Variants in ADAMTS5 observed in about 807,000 individuals in gnomAD.
The protein encoded by ADAMTS5 is A disintegrin and metalloproteinase with thrombospondin motifs 5.
A neutral mutation model predicts 81.4 loss-of-function variants in ADAMTS5; 54 were observed. That is an observed-to-expected ratio of 0.66 (90% CI 0.53 to 0.83). The LOEUF (loss-of-function observed/expected upper bound fraction) is 0.83, where lower values mean the gene tolerates loss of function less well. Among genes scored for constraint, ADAMTS5 ranks in the 40% least tolerant of loss-of-function variants. ADAMTS5 has a pLI of 0.00. For synonymous variants in ADAMTS5, 532 were observed against 508.8 expected, an observed-to-expected ratio of 1.05 and a Z score of -0.61; for missense variants, 1,194 against 1,229.9, an observed-to-expected ratio of 0.97 and a Z score of 0.44.
Position 26,919,229 on chromosome 21 carries a change from T to A in ADAMTS5, c.*4824A>T. 1 of 124,164 alleles carries A rather than the reference T, an allele frequency of 8.1e-6. No individual in the cohort carries two copies. The highest frequency in any genetic ancestry group is 3.4e-5 in the African/African-American group (1 of 29,118). The allele number at this position is 124,164 out of a possible 1,614,324, so 7.7% of individuals were successfully genotyped here. On this transcript the variant is annotated 3_prime_UTR_variant, in exon 8 of 8. Coordinates refer to ENST00000284987, the MANE Select transcript of ADAMTS5 (RefSeq NM_007038.5). ...AAAGCATGCCCTGTTTTTTATTTGT[T>A]TTTTTTTTTTTTCCTACAAATCACA... is the stretch of plus-strand genomic sequence containing the variant.
intron 3 of ADAMTS5, among the ~76,000 whole-genome samples, chr21:26,940,968 C>G (rs999661700): frequency 6.6e-6 from 1 of 152,116 alleles, no homozygotes; most frequent in Non-Finnish European, 1.5e-5. Flanking sequence ...AATAGCACTA[C>G]AGGGAGTACC....
At chr21:26,949,836 C>T (rs1198852355) in intron 2 of ADAMTS5, among the ~76,000 whole-genome samples, 4 of 152,140 alleles carry the variant, frequency 2.6e-5, no homozygotes, top group Non-Finnish European at 5.9e-5. Context: ...AAGTTTAATC[C>T]TAGTTTCCTT....
intron 1 of ADAMTS5, among the ~76,000 whole-genome samples, chr21:26,962,996 C>T (rs763654929): frequency 2.6e-5 from 4 of 151,870 alleles, no homozygotes; most frequent in Non-Finnish European, 4.4e-5. Context: ...TTAAATTGGG[C>T]GCATCTATTG....
rs767506022 is a variant in ADAMTS5, at chr21:26,966,110, G to T, written c.282C>A (p.Gly94=). 34 of 1,612,618 alleles carry T rather than the reference G, an allele frequency of 2.1e-5. No individual in the cohort carries two copies. The highest frequency in any genetic ancestry group is 2.7e-5 in the African/African-American group (2 of 74,928). Residue 94 remains glycine (G), a synonymous_variant, in exon 1 of 8, where the codon GGC becomes GGA. Coordinates refer to ENST00000284987, the MANE Select transcript of ADAMTS5 (RefSeq NM_007038.5). ...CCAGGTCCAAGAGGAACCTCCGGCC[G>T]CCCGCGTAGACGAGGTAGCCCACCT... ...GGKVGYLVYA[G]GRRFLLDLER...
Position 26,924,430 on chromosome 21 carries a change from T to C in ADAMTS5, c.2416A>G (p.Met806Val), listed in dbSNP as rs1986767070. The C allele has an allele frequency of 2.5e-6, 4 of 1,614,126 alleles. No individual in the cohort carries two copies. The highest frequency in any genetic ancestry group is 2.5e-6 in the Non-Finnish European group (3 of 1,180,046). ...ETIIDINGTV[M>V]NYSGWSHRDD... ...CTGTGGCTCCAACCGCTATAGTTCATGACTGTTCCATTGATGTCAATGATA... is the reference window on the plus strand; with the variant it reads ...CTGTGGCTCCAACCGCTATAGTTCACGACTGTTCCATTGATGTCAATGATA... The change falls in exon 8 of 8, where the codon ATG (methionine) becomes GTG (valine). Residue 806 changes from methionine to valine, a missense_variant. Transcript: ENST00000284987.
intron 3 of ADAMTS5, among the ~76,000 whole-genome samples, chr21:26,935,740 C>A (rs570838683): frequency 6.6e-6 from 1 of 152,130 alleles, no homozygotes; most frequent in African/African-American, 2.4e-5. Context: ...TTCCCCTCCC[C>A]GCAAAAGCTT....
intron 2 of ADAMTS5, among the ~76,000 whole-genome samples, chr21:26,952,700 TG>T (rs1987344864): frequency 6.6e-6 from 1 of 152,238 alleles, no homozygotes; most frequent in Admixed American, 6.5e-5. Flanking sequence ...ATCCTGTGGA[TG>T]GATGACGCCA....
intron 3 of ADAMTS5, among the ~76,000 whole-genome samples, chr21:26,938,426 G>T (rs1311915585): frequency 6.6e-6 from 1 of 152,206 alleles, no homozygotes; most frequent in Non-Finnish European, 1.5e-5. Context: ...GTGTTGGAAG[G>T]AATGCCACGC....
At chr21:26,936,997 T>A (rs745697457) in intron 3 of ADAMTS5, among the ~76,000 whole-genome samples, 6 of 152,154 alleles carry the variant, frequency 3.9e-5, no homozygotes, top group South Asian at 2.1e-4. Flanking sequence ...AGAAAGTTTT[T>A]AAAAAAAATT....
At position 26,920,121 on chromosome 21, in the gene ADAMTS5, C is replaced by T. The variant is rs189513706; in HGVS notation, c.*3932G>A. On this transcript the variant is annotated 3_prime_UTR_variant, in exon 8 of 8. Coordinates refer to ENST00000284987, the MANE Select transcript of ADAMTS5 (RefSeq NM_007038.5). ...CATTATTAAATTCAATGTTATTTGA[C>T]AGTGTGAACTCTATGTAACAGCACA... 2 of 152,266 alleles carry T rather than the reference C, an allele frequency of 1.3e-5. No homozygotes were observed. Among genetic ancestry groups the T allele is most frequent in the East Asian group, 3.9e-4 (2 of 5,182 alleles). The allele number at this position is 152,266 out of a possible 1,614,324, so 9.4% of individuals were successfully genotyped here.
chr21:26,931,295 T>G lies in ADAMTS5; in HGVS notation c.2049+709A>C, dbSNP rs368643838. 3.9e-5 allele frequency among the ~76,000 whole-genome samples: 6 copies of G among 152,308 alleles called. No individual in the cohort carries two copies. The East Asian group carries it at 7.7e-4, about 20-fold the overall frequency. ...CTCCTGACCTTGTGATCTGCCCGCC[T>G]CAGCTTCCCAAAGTGCTGGGATTAC... is the stretch of plus-strand genomic sequence containing the variant. On this transcript the variant is annotated intron_variant, in intron 6 of 7. Transcript: ENST00000284987.
At chr21:26,927,212 T>C (rs950512538) in intron 7 of ADAMTS5, among the ~76,000 whole-genome samples, 19 of 152,202 alleles carry the variant, frequency 1.2e-4, no homozygotes, top group African/African-American at 4.1e-4. Context: ...ACAATGTCTG[T>C]CATGAAAAAA....
chr21:26,949,684 C>A (rs1005709277), intron 2 of ADAMTS5, among the ~76,000 whole-genome samples: 9 of 152,124 alleles, frequency 5.9e-5, no homozygotes, highest in Non-Finnish European at 1.2e-4. Context: ...TAAAAACTGA[C>A]AATAGACACA....
chr21:26,934,599 C>T lies in ADAMTS5; in HGVS notation c.1556G>A (p.Cys519Tyr). ...PGMDVCARLWCAVVRQGQMVC... is the reference protein window; with the variant it reads ...PGMDVCARLWYAVVRQGQMVC... ...CATCTGGCCCTGGCGTACCACAGCACACCACAGGCGAGCACAGACATCCAT... is the reference window on the plus strand; with the variant it reads ...CATCTGGCCCTGGCGTACCACAGCATACCACAGGCGAGCACAGACATCCAT... The change falls in exon 4 of 8, where the codon TGT (cysteine) becomes TAT (tyrosine). Residue 519 changes from cysteine to tyrosine, a missense_variant. Coordinates refer to ENST00000284987, the MANE Select transcript of ADAMTS5 (RefSeq NM_007038.5). 6.2e-7 allele frequency: 1 copy of T among 1,614,214 alleles called. No homozygotes were observed. Among genetic ancestry groups the T allele is most frequent in the Non-Finnish European group, 8.5e-7 (1 of 1,180,034 alleles).
At chr21:26,927,923 G>T (rs898673012) in intron 7 of ADAMTS5, among the ~76,000 whole-genome samples, 1 of 152,056 alleles carries the variant, frequency 6.6e-6, no homozygotes, top group African/African-American at 2.4e-5. Context: ...TGTGGGGTGT[G>T]AGAGAAAATG....
rs1986877146 is a variant in ADAMTS5 at position 26,930,010 on chromosome 21, C to G, written c.2101G>C (p.Gly701Arg). The change falls in exon 7 of 8, where the codon GGG becomes CGG. Residue 701 changes from glycine to arginine, a missense_variant. Physicochemically the swap from Gly to Arg is moderately radical, Grantham distance 125. Coordinates refer to ENST00000284987, the MANE Select transcript of ADAMTS5 (RefSeq NM_007038.5). ...RLYSNSVCVRGKCVRTGCDGI... is the reference protein window; with the variant it reads ...RLYSNSVCVRRKCVRTGCDGI... ...TCACAGCCAGTTCTCACACACTTCC[C>G]CCGGACGCAGACGGAATTACTGTAC... 1.9e-6 allele frequency: 3 copies of G among 1,613,976 alleles called. No homozygotes were observed.
chr21:26,958,661 C>G (rs1379606611), intron 1 of ADAMTS5, among the ~76,000 whole-genome samples: 1 of 152,158 alleles, frequency 6.6e-6, no homozygotes, highest in Non-Finnish European at 1.5e-5. Flanking sequence ...TTATTGTGTG[C>G]CTACAATCTG....
chr21:26,937,452 G>A (rs1255192241), intron 3 of ADAMTS5, among the ~76,000 whole-genome samples: 2 of 152,158 alleles, frequency 1.3e-5, no homozygotes, highest in African/African-American at 4.8e-5. Flanking sequence ...ACTAGGATTT[G>A]TAGCTGCATC....
Position 26,966,115 on chromosome 21 carries a change from C to T in ADAMTS5, c.277G>A (p.Ala93Thr). The T allele has an allele frequency of 6.2e-7, 1 of 1,612,742 alleles. No individual in the cohort carries two copies. The highest frequency in any genetic ancestry group is 8.5e-7 in the Non-Finnish European group (1 of 1,179,760). The stretch of plus-strand genomic sequence containing the variant: ...TCCAAGAGGAACCTCCGGCCGCCCG[C>T]GTAGACGAGGTAGCCCACCTTGCCG... ...GGGKVGYLVY[A>T]GGRRFLLDLE... is the part of the protein sequence containing the mutation. Residue 93 changes from alanine (A) to threonine (T), a missense_variant, in exon 1 of 8, where the codon GCG (alanine) becomes ACG (threonine). Ala to Thr is a moderately conservative substitution (Grantham distance 58). Coordinates refer to ENST00000284987, the MANE Select transcript of ADAMTS5 (RefSeq NM_007038.5).
Sources: gnomAD v4.1 joint callset for allele counts (sites outside exome capture counted in the v4.1 genomes callset) on GRCh38, gnomAD v4.1.1 for gene constraint, MANE v1.5 for transcripts, NCBI Gene and HGNC (gene_info 2026-07-23, HGNC 2026-07-21) for gene names.